The following ADCY9 variants were observed in gnomAD, a reference collection of about 807,000 sequenced individuals.
The protein encoded by ADCY9 is adenylate cyclase 9.
In ADCY9, 50 loss-of-function variants were observed where a neutral mutation model predicts 101.5. The observed-to-expected ratio is 0.49, with a 90% CI of 0.39 to 0.62. ADCY9 has a LOEUF of 0.62. Among genes scored for constraint, ADCY9 ranks in the 20% least tolerant of loss-of-function variants. ADCY9 has a pLI of 0.00. For synonymous variants in ADCY9, 905 were observed against 769.3 expected (o/e 1.18, Z -2.92); for missense variants, 1,662 against 1,800.4 (o/e 0.92, Z 1.39).
intron 2 of ADCY9, among the ~76,000 whole-genome samples, chr16:4,041,919 GTTTTTTTTTTTTTT>G (rs750737772): frequency 9.9e-6 from 1 of 100,670 alleles, no homozygotes. Context: ...CCCCAGCTAA[GTTTTTTTTTTTTTT>G]TTTTTTTTGA....
At chr16:3,953,584 G>A (rs756297998) in intron 5 of ADCY9, 2 of 152,088 alleles carry the variant, frequency 1.3e-5, no homozygotes, top group East Asian at 1.9e-4. Flanking sequence ...AATAAAAACC[G>A]AGCAATTTCT....
At chr16:4,017,505 G>A (rs902635919) in intron 2 of ADCY9, among the ~76,000 whole-genome samples, 19 of 150,886 alleles carry the variant, frequency 1.3e-4, no homozygotes, top group South Asian at 4.2e-4. Flanking sequence ...TTAGCCAGGC[G>A]TGGTGATGCA....
At position 3,965,678 on chromosome 16, in the gene ADCY9, G is replaced by A. The variant is rs931919549; in HGVS notation, c.*97C>T. The A allele has an allele frequency of 1.3e-4, 145 of 1,135,880 alleles. No homozygotes were observed. Among genetic ancestry groups the A allele is most frequent in the Non-Finnish European group, 1.8e-4 (141 of 793,622 alleles). The allele number at this position is 1,135,880 out of a possible 1,614,324, so 70.4% of individuals were successfully genotyped here. A position where few individuals can be genotyped will look rare whatever the true frequency, so the allele number is the denominator to read the frequency against. ...AATGACCACATAACACCACGTCCGG[G>A]GAGGGCAACTGTGGCGCTTGGAAAG... is the stretch of plus-strand genomic sequence containing the variant. On this transcript the variant is annotated 3_prime_UTR_variant, in exon 11 of 11. Transcript: ENST00000294016.
chr16:4,017,868 C>G (rs1191175112), intron 2 of ADCY9, among the ~76,000 whole-genome samples: 2 of 152,180 alleles, frequency 1.3e-5, no homozygotes, highest in Non-Finnish European at 2.9e-5. Flanking sequence ...CCTAAAAACG[C>G]CGGGCCGACA....
chr16:3,989,780 G>A (rs1207284371), intron 5 of ADCY9, among the ~76,000 whole-genome samples: 1 of 152,232 alleles, frequency 6.6e-6, no homozygotes. Flanking sequence ...TCACTGTGCT[G>A]AGAGTACTTA....
intron 8 of ADCY9, 43 bp from the exon 9 acceptor site, chr16:3,977,673 C>G: frequency 6.3e-7 from 1 of 1,585,178 alleles, no homozygotes; most frequent in Non-Finnish European, 8.6e-7. Flanking sequence ...AGGGCCACCC[C>G]GCCACCCCTG....
chr16:4,097,615 G>A (rs1479299250), intron 2 of ADCY9, among the ~76,000 whole-genome samples: 5 of 141,036 alleles, frequency 3.5e-5, no homozygotes, highest in East Asian at 2.1e-4. Flanking sequence ...GTGCAGGGGC[G>A]CAATCTCAGC....
In ADCY9 at chr16:4,034,282, C is replaced by T. The variant is rs144465127; in HGVS notation, c.1694-26724G>A. The stretch of plus-strand genomic sequence containing the variant: ...TGTCAACTTGGTGTCCATATCTACT[C>T]CTCTTTTCAACCGTACTTAACTTCC... On this transcript the variant is annotated intron_variant, in intron 2 of 10. Coordinates refer to ENST00000294016, the MANE Select transcript of ADCY9 (RefSeq NM_001116.4). 3.3e-3 allele frequency among the ~76,000 whole-genome samples: 502 copies of T among 152,320 alleles called. 4 individuals carry two copies. The highest frequency in any genetic ancestry group is 0.017 in the Middle Eastern group (5 of 294).
chr16:4,028,771 A>ATCTATTT (rs1037179053), intron 2 of ADCY9, among the ~76,000 whole-genome samples: 1 of 151,968 alleles, frequency 6.6e-6, no homozygotes, highest in Non-Finnish European at 1.5e-5. Context: ...TCAATTCGTT[A>ATCTATTT]TCTATTTTCT....
intron 6 of ADCY9, among the ~76,000 whole-genome samples, chr16:3,984,408 T>C (rs1284549854): frequency 6.6e-6 from 1 of 152,002 alleles, no homozygotes; most frequent in South Asian, 2.1e-4. Flanking sequence ...TGTTCGGCAA[T>C]TGAGGGGGAG....
chr16:3,988,153 C>T (rs2056210244), intron 6 of ADCY9, among the ~76,000 whole-genome samples: 2 of 151,884 alleles, frequency 1.3e-5, no homozygotes, highest in South Asian at 2.1e-4. Flanking sequence ...GGGGCACACA[C>T]GGAGAAGGAA....
At chr16:4,004,772 G>A (rs948678502) in intron 3 of ADCY9, among the ~76,000 whole-genome samples, 3 of 152,204 alleles carry the variant, frequency 2.0e-5, no homozygotes, top group Admixed American at 6.5e-5. Flanking sequence ...TGAGAATTTG[G>A]AGACGAGGGA....
intron 2 of ADCY9, among the ~76,000 whole-genome samples, chr16:4,028,846 G>A (rs1342880581): frequency 4.0e-5 from 6 of 151,448 alleles, no homozygotes; most frequent in African/African-American, 1.2e-4. Flanking sequence ...GTGCAGTGGC[G>A]CGATCTCGGC....
At chr16:3,956,699 T>C (rs1327862818) in intron 5 of ADCY9, among the ~76,000 whole-genome samples, 3 of 151,528 alleles carry the variant, frequency 2.0e-5, no homozygotes, top group Non-Finnish European at 4.4e-5. Context: ...TTCACCATGT[T>C]GGCCAGGCTG....
chr16:3,976,340 G>C (rs1456214531), intron 9 of ADCY9, among the ~76,000 whole-genome samples: 1 of 152,174 alleles, frequency 6.6e-6, no homozygotes, highest in Non-Finnish European at 1.5e-5. Context: ...TGCAACACAT[G>C]AAAGATAGGG....
chr16:4,060,869 G>A (rs1026228216), intron 2 of ADCY9, among the ~76,000 whole-genome samples: 2 of 152,072 alleles, frequency 1.3e-5, no homozygotes, highest in East Asian at 1.9e-4. Flanking sequence ...AGTCATAACT[G>A]GAAACTCTAA....
chr16:4,077,670 T>C (rs1458294364), intron 2 of ADCY9, among the ~76,000 whole-genome samples: 1 of 152,188 alleles, frequency 6.6e-6, no homozygotes, highest in Non-Finnish European at 1.5e-5. Context: ...TATATGATTT[T>C]CTGCCAAGAA....
intron 2 of ADCY9, among the ~76,000 whole-genome samples, chr16:4,039,776 C>T (rs958319048): frequency 5.9e-5 from 9 of 151,848 alleles, no homozygotes; most frequent in South Asian, 2.1e-4. Flanking sequence ...CAGGGACTCA[C>T]GCCTGTAATC....
Position 3,966,521 on chromosome 16 carries a change from T to C in ADCY9, c.3316A>G (p.Lys1106Glu). ...LSKPDYSSIE[K>E]IKTIGATYMA... ...TACGTGGCTCCGATGGTCTTGATCT[T>C]CTCGATGCTGCTGTAGTCCGGCTTG... Residue 1106 changes from lysine (K) to glutamate (E), a missense_variant, in exon 11 of 11, where the codon AAG (lysine) becomes GAG (glutamate). By Grantham distance (56) the Lys-to-Glu change is moderately conservative. Transcript: ENST00000294016. 1 of 1,614,152 alleles carries C rather than the reference T, an allele frequency of 6.2e-7. No individual in the cohort carries two copies. The highest frequency in any genetic ancestry group is 8.5e-7 in the Non-Finnish European group (1 of 1,180,034).
Sources: allele counts gnomAD v4.1 joint callset (sites outside exome capture counted in the v4.1 genomes callset), GRCh38; gene constraint gnomAD v4.1.1; transcripts MANE v1.5; gene names NCBI Gene and HGNC (gene_info 2026-07-23, HGNC 2026-07-21).